Variants in FGF14 observed in about 807,000 individuals in gnomAD.
FGF14 encodes the protein fibroblast growth factor homologous factor 4.
Under a neutral mutation model 25.5 loss-of-function variants are expected in FGF14, and 5 were observed. That is an observed-to-expected ratio of 0.20 (90% CI 0.10 to 0.41). FGF14 has a LOEUF of 0.41. Ranked by LOEUF, FGF14 falls within the 10% of genes least tolerant of loss-of-function variation. FGF14 has a pLI of 1.00. For synonymous variants in FGF14, 138 were observed against 118.3 expected, an observed-to-expected ratio of 1.17 and a Z score of -1.08; for missense variants, 222 against 320.1, an observed-to-expected ratio of 0.69 and a Z score of 2.34.
intron 1 of FGF14, among the ~76,000 whole-genome samples, chr13:101,903,472 G>A (rs879341598): frequency 6.6e-6 from 1 of 152,098 alleles, no homozygotes; most frequent in African/African-American, 2.4e-5. Context: ...AAATAAAAGT[G>A]TCTGGAAGAA....
chr13:102,020,517 A>T (rs1193809473), intron 1 of FGF14, among the ~76,000 whole-genome samples: 1 of 152,098 alleles, frequency 6.6e-6, no homozygotes, highest in South Asian at 2.1e-4. Context: ...ATTGCACTCC[A>T]GTCTGGGCAA....
chr13:102,087,452 C>T (rs1770845821), intron 1 of FGF14, among the ~76,000 whole-genome samples: 1 of 126,972 alleles, frequency 7.9e-6, no homozygotes, highest in Non-Finnish European at 1.6e-5. Context: ...TGCTCTGTCA[C>T]CCAGGCTGGA....
chr13:101,734,521 C>T (rs2036039359), intron 3 of FGF14, among the ~76,000 whole-genome samples: 1 of 152,114 alleles, frequency 6.6e-6, no homozygotes, highest in African/African-American at 2.4e-5. Flanking sequence ...GGCACCAGTG[C>T]TATAAATATT....
At chr13:102,256,327 T>C (rs1284568223) in intron 1 of FGF14, among the ~76,000 whole-genome samples, 2 of 151,334 alleles carry the variant, frequency 1.3e-5, no homozygotes, top group Admixed American at 6.6e-5. Flanking sequence ...ACCCCATCTC[T>C]ACAAAAAAAA....
chr13:101,985,980 T>TA (rs1276083855), intron 1 of FGF14, among the ~76,000 whole-genome samples: 1 of 152,134 alleles, frequency 6.6e-6, no homozygotes, highest in Non-Finnish European at 1.5e-5. Flanking sequence ...TTCTGATTCT[T>TA]AAAGACTGAT....
intron 1 of FGF14, among the ~76,000 whole-genome samples, chr13:102,181,272 G>A (rs1286972380): frequency 6.6e-6 from 1 of 152,124 alleles, no homozygotes; most frequent in Non-Finnish European, 1.5e-5. Flanking sequence ...CGAATCCCCA[G>A]AGCCCATGAT....
intron 1 of FGF14, among the ~76,000 whole-genome samples, chr13:102,166,231 T>C (rs112914785): frequency 3.4e-4 from 51 of 152,150 alleles, no homozygotes; most frequent in Middle Eastern, 3.4e-3. Flanking sequence ...TTCTCATAAT[T>C]TGTGAAGTTT....
At chr13:102,233,129 TTTG>T (rs994425033) in intron 1 of FGF14, among the ~76,000 whole-genome samples, 2 of 151,956 alleles carry the variant, frequency 1.3e-5, no homozygotes, top group African/African-American at 2.4e-5. Flanking sequence ...ATATGCCATT[TTTG>T]TTGTTGTTGT....
chr13:101,928,671 T>G (rs1348719769), intron 1 of FGF14, among the ~76,000 whole-genome samples: 1 of 152,114 alleles, frequency 6.6e-6, no homozygotes, highest in Non-Finnish European at 1.5e-5. Context: ...CCATGGAGGT[T>G]AGGTAATTTG....
intron 3 of FGF14, among the ~76,000 whole-genome samples, chr13:101,831,159 T>C (rs2042650257): frequency 2.0e-5 from 3 of 152,088 alleles, no homozygotes; most frequent in African/African-American, 7.2e-5. Flanking sequence ...CCATCCCATA[T>C]GATTTTTTGA....
intron 1 of FGF14, among the ~76,000 whole-genome samples, chr13:102,393,070 T>C (rs926361711): frequency 5.9e-5 from 9 of 152,198 alleles, no homozygotes; most frequent in African/African-American, 1.7e-4. Flanking sequence ...GCTTAAAGTA[T>C]GCTTCTTTCT....
chr13:101,869,200 T>C (rs2044900902), intron 2 of FGF14, among the ~76,000 whole-genome samples: 1 of 152,178 alleles, frequency 6.6e-6, no homozygotes, highest in Non-Finnish European at 1.5e-5. Context: ...GTCGAGTGTT[T>C]ATTCTGACCC....
intron 3 of FGF14, among the ~76,000 whole-genome samples, chr13:101,865,049 G>A (rs553223202): frequency 2.7e-4 from 41 of 152,200 alleles, no homozygotes; most frequent in Middle Eastern, 3.4e-3. Flanking sequence ...AAAGCCCAGA[G>A]ATTTACTCAT....
chr13:102,325,134 A>C (rs1265467179), intron 1 of FGF14, among the ~76,000 whole-genome samples: 1 of 152,112 alleles, frequency 6.6e-6, no homozygotes, highest in Non-Finnish European at 1.5e-5. Flanking sequence ...AAAAGATGGG[A>C]CCAGACTTCT....
intron 3 of FGF14, among the ~76,000 whole-genome samples, chr13:101,766,810 T>G (rs535708691): frequency 7.2e-5 from 11 of 152,240 alleles, no homozygotes; most frequent in Admixed American, 1.3e-4. Context: ...GGACACCATG[T>G]GAAGGCAGAG....
intron 3 of FGF14, among the ~76,000 whole-genome samples, chr13:101,814,439 G>A (rs1339384643): frequency 3.3e-5 from 5 of 152,106 alleles, no homozygotes; most frequent in Non-Finnish European, 5.9e-5. Context: ...CTAATTTTAC[G>A]CCATAAAATT....
intron 1 of FGF14, among the ~76,000 whole-genome samples, chr13:102,068,436 C>T (rs1003194871): frequency 2.0e-5 from 3 of 152,196 alleles, no homozygotes; most frequent in Admixed American, 2.0e-4. Flanking sequence ...CTGGCCAAGG[C>T]CAGAGTCGTC....
At chr13:102,209,498 AC>A (rs1197930809) in intron 1 of FGF14, among the ~76,000 whole-genome samples, 5 of 152,138 alleles carry the variant, frequency 3.3e-5, no homozygotes, top group Non-Finnish European at 7.3e-5. Flanking sequence ...AGGCATTTGT[AC>A]CCCTGCACCA....
intron 1 of FGF14, among the ~76,000 whole-genome samples, chr13:102,151,228 G>A (rs1174182659): frequency 6.6e-6 from 1 of 152,112 alleles, no homozygotes; most frequent in East Asian, 1.9e-4. Context: ...ATACCATAAT[G>A]AGGTATATGC....
Sources: gnomAD v4.1 joint callset for allele counts (sites outside exome capture counted in the v4.1 genomes callset) on GRCh38, gnomAD v4.1.1 for gene constraint, MANE v1.5 for transcripts, NCBI Gene and HGNC (gene_info 2026-07-23, HGNC 2026-07-21) for gene names.